The following CSGALNACT1 variants were observed in gnomAD, a reference collection of about 807,000 sequenced individuals.
CSGALNACT1 encodes the protein chondroitin sulfate N-acetylgalactosaminyltransferase 1, also known as beta4GalNAcT-1.
A neutral mutation model predicts 51.0 loss-of-function variants in CSGALNACT1; 52 were observed. The observed-to-expected ratio is 1.02, with a 90% confidence interval of 0.82 to 1.29. CSGALNACT1 has a LOEUF of 1.29. CSGALNACT1 is among the 50% of genes most tolerant of loss of function. The probability of loss-of-function intolerance (pLI) is 0.00; values close to 1 mark genes in which losing one functional copy is unlikely to be tolerated. For missense variants in CSGALNACT1, 935 were observed against 679.2 expected (o/e 1.38, Z -4.19); for synonymous variants, 341 against 254.4 (o/e 1.34, Z -3.24).
At chr8:19,712,191 A>G (rs1280628511) in intron 1 of CSGALNACT1, among the ~76,000 whole-genome samples, 1 of 152,002 alleles carries the variant, frequency 6.6e-6, no homozygotes, top group Non-Finnish European at 1.5e-5. Context: ...ACGCCCGGCT[A>G]ATTTTTTGTA....
chr8:19,632,578 C>T (rs961859721), intron 1 of CSGALNACT1, among the ~76,000 whole-genome samples: 28 of 152,196 alleles, frequency 1.8e-4, no homozygotes, highest in Admixed American at 1.3e-3. Context: ...TGTTCTTAAC[C>T]CGCAGCTATC....
chr8:19,404,168 C>A, exon 10 of CSGALNACT1: 2 of 350,398 alleles, frequency 5.7e-6, no homozygotes, highest in Non-Finnish European at 1.1e-5. Flanking sequence ...CAGTCATATC[C>A]ACAAATCATA....
chr8:19,544,630 C>G (rs1024602818), intron 3 of CSGALNACT1, among the ~76,000 whole-genome samples: 1 of 152,144 alleles, frequency 6.6e-6, no homozygotes. Context: ...ACTGCCTTAT[C>G]CAAATATTTT....
At chr8:19,496,842 C>T (rs960787639) in intron 4 of CSGALNACT1, among the ~76,000 whole-genome samples, 2 of 152,132 alleles carry the variant, frequency 1.3e-5, no homozygotes, top group African/African-American at 2.4e-5. Context: ...AGCTTCCTTT[C>T]GCAAGCTCTT....
chr8:19,450,767 G>C (rs2063036638), intron 5 of CSGALNACT1, among the ~76,000 whole-genome samples: 1 of 151,962 alleles, frequency 6.6e-6, no homozygotes, highest in African/African-American at 2.4e-5. Context: ...AAATCTGGCT[G>C]GATGTGGTGG....
At chr8:19,526,077 G>C (rs1294975675) in intron 3 of CSGALNACT1, among the ~76,000 whole-genome samples, 1 of 152,124 alleles carries the variant, frequency 6.6e-6, no homozygotes, top group Non-Finnish European at 1.5e-5. Flanking sequence ...AGTTAAAAAA[G>C]GAAAAGGCTG....
At chr8:19,713,552 C>T (rs1256560914) in intron 1 of CSGALNACT1, among the ~76,000 whole-genome samples, 1 of 152,088 alleles carries the variant, frequency 6.6e-6, no homozygotes, top group African/African-American at 2.4e-5. Context: ...AGCAAGTGGG[C>T]CCCTGGATCC....
chr8:19,702,864 G>A (rs1036422766), intron 1 of CSGALNACT1, among the ~76,000 whole-genome samples: 1 of 152,118 alleles, frequency 6.6e-6, no homozygotes, highest in Admixed American at 6.5e-5. Context: ...CCCCTAAAGG[G>A]AATCAGTGTA....
chr8:19,722,663 C>T (rs745934796), intron 1 of CSGALNACT1, among the ~76,000 whole-genome samples: 4 of 152,160 alleles, frequency 2.6e-5, no homozygotes, highest in Admixed American at 2.0e-4. Flanking sequence ...ACAGCCCTGG[C>T]GCATTGACCA....
intron 1 of CSGALNACT1, among the ~76,000 whole-genome samples, chr8:19,727,113 G>A (rs574560913): frequency 1.3e-5 from 2 of 152,078 alleles, no homozygotes; most frequent in Non-Finnish European, 2.9e-5. Context: ...GAAGGCACCC[G>A]ACCTGCTTTT....
chr8:19,522,401 G>A (rs553903110), intron 3 of CSGALNACT1, among the ~76,000 whole-genome samples: 63 of 152,236 alleles, frequency 4.1e-4, no homozygotes, highest in African/African-American at 1.4e-3. Flanking sequence ...TACCTCTCCA[G>A]ATCCATTTAT....
At chr8:19,627,181 C>T (rs767260301) in intron 1 of CSGALNACT1, among the ~76,000 whole-genome samples, 22 of 152,286 alleles carry the variant, frequency 1.4e-4, no homozygotes, top group Non-Finnish European at 2.5e-4. Context: ...AAACTACCAT[C>T]CATCCATTTA....
At chr8:19,630,366 G>T (rs903687747) in intron 1 of CSGALNACT1, among the ~76,000 whole-genome samples, 1 of 152,168 alleles carries the variant, frequency 6.6e-6, no homozygotes, top group Middle Eastern at 3.4e-3. Context: ...ACTTACAGGA[G>T]AAGTGAGAGA....
intron 4 of CSGALNACT1, among the ~76,000 whole-genome samples, chr8:19,461,337 C>T (rs987924595): frequency 1.3e-5 from 2 of 152,208 alleles, no homozygotes; most frequent in African/African-American, 4.8e-5. Flanking sequence ...TGTCTGGGAT[C>T]ACAAGGTGAA....
At chr8:19,470,855 G>A (rs540872727) in intron 4 of CSGALNACT1, among the ~76,000 whole-genome samples, 4 of 152,064 alleles carry the variant, frequency 2.6e-5, no homozygotes, top group African/African-American at 7.3e-5. Context: ...CAACACTTTC[G>A]GAGGCTGAGG....
At chr8:19,626,560 G>A (rs1014454539) in intron 1 of CSGALNACT1, among the ~76,000 whole-genome samples, 19 of 152,242 alleles carry the variant, frequency 1.2e-4, no homozygotes, top group Middle Eastern at 3.4e-3. Context: ...GACACTGAAA[G>A]CATGATCAGT....
chr8:19,725,210 C>G (rs947626582), intron 1 of CSGALNACT1, among the ~76,000 whole-genome samples: 1 of 152,190 alleles, frequency 6.6e-6, no homozygotes, highest in African/African-American at 2.4e-5. Context: ...GGCACTAAGC[C>G]TTGGCGAGCG....
chr8:19,496,337 C>A (rs938693568), intron 4 of CSGALNACT1, among the ~76,000 whole-genome samples: 1 of 152,122 alleles, frequency 6.6e-6, no homozygotes, highest in Non-Finnish European at 1.5e-5. Context: ...AAGGGACTTC[C>A]AGATTTGGGG....
At chr8:19,618,769 C>G (rs1259869975) in intron 1 of CSGALNACT1, among the ~76,000 whole-genome samples, 1 of 152,070 alleles carries the variant, frequency 6.6e-6, no homozygotes, top group African/African-American at 2.4e-5. Flanking sequence ...ATGACTCTCC[C>G]AAGGCCGGGG....
Sources: allele counts gnomAD v4.1 joint callset (sites outside exome capture counted in the v4.1 genomes callset), GRCh38; gene constraint gnomAD v4.1.1; transcripts MANE v1.5; gene names NCBI Gene and HGNC (gene_info 2026-07-23, HGNC 2026-07-21).